The following CLYBL variants were observed in gnomAD, a reference collection of about 807,000 sequenced individuals.
The protein encoded by CLYBL is citramalyl-CoA lyase, mitochondrial.
In CLYBL, 31 loss-of-function variants were observed where a neutral mutation model predicts 38.9. The observed-to-expected ratio is 0.80, with a 90% CI of 0.60 to 1.08. The LOEUF is 1.08. Ranked by LOEUF, CLYBL falls within the 50% of genes least tolerant of loss-of-function variation. The pLI is 0.00. For missense variants in CLYBL, 434 were observed against 411.6 expected (o/e 1.05, Z -0.47); for synonymous variants, 171 against 158.6 (o/e 1.08, Z -0.59).
chr13:99,745,235 A>T (rs76232686), intron 1 of CLYBL, among the ~76,000 whole-genome samples: 1 of 152,352 alleles, frequency 6.6e-6, no homozygotes, highest in African/African-American at 2.4e-5. Flanking sequence ...GTCACAAATA[A>T]ACCATAACAT....
At chr13:99,824,257 G>GCTCCCCCCCCCCCCC (rs66867477) in intron 2 of CLYBL, among the ~76,000 whole-genome samples, 3 of 130,414 alleles carry the variant, frequency 2.3e-5, no homozygotes, top group Non-Finnish European at 3.2e-5. Flanking sequence ...CTGACTAATA[G>GCTCCCCCCCCCCCCC]CCCCCCCCAC....
chr13:99,871,329 T>A (rs1399427808), intron 7 of CLYBL, among the ~76,000 whole-genome samples: 1 of 152,196 alleles, frequency 6.6e-6, no homozygotes, highest in Non-Finnish European at 1.5e-5. Flanking sequence ...AAAATAGAAG[T>A]CTGTTTAGTT....
chr13:99,670,984 C>T (rs1482465069), intron 1 of CLYBL, among the ~76,000 whole-genome samples: 3 of 152,196 alleles, frequency 2.0e-5, no homozygotes, highest in African/African-American at 4.8e-5. Flanking sequence ...ATTGCTGGCT[C>T]CTGCTGACCT....
At chr13:99,612,775 G>T (rs1411034785) in intron 1 of CLYBL, among the ~76,000 whole-genome samples, 1 of 152,084 alleles carries the variant, frequency 6.6e-6, no homozygotes, top group Middle Eastern at 3.2e-3. Context: ...ACTTTGAAAG[G>T]CTGAGGTGGG....
intron 1 of CLYBL, among the ~76,000 whole-genome samples, chr13:99,683,462 C>G (rs1241594434): frequency 6.6e-6 from 1 of 151,948 alleles, no homozygotes; most frequent in Non-Finnish European, 1.5e-5. Context: ...AAAAATATTT[C>G]CTTTATCTCT....
At chr13:99,624,154 C>T (rs1157828423) in intron 1 of CLYBL, among the ~76,000 whole-genome samples, 1 of 152,088 alleles carries the variant, frequency 6.6e-6, no homozygotes, top group Non-Finnish European at 1.5e-5. Context: ...TCAGAGCACC[C>T]CGTTCTTCAT....
chr13:99,830,582 A>G (rs1240452161), intron 2 of CLYBL, among the ~76,000 whole-genome samples: 1 of 151,990 alleles, frequency 6.6e-6, no homozygotes, highest in Non-Finnish European at 1.5e-5. Flanking sequence ...CAACTCAACT[A>G]CTCTGTGAGT....
intron 1 of CLYBL, among the ~76,000 whole-genome samples, chr13:99,636,889 C>CTT (rs149042929): frequency 1.3e-5 from 2 of 148,648 alleles, no homozygotes; most frequent in Admixed American, 1.3e-4. Flanking sequence ...CTAATTTAAA[C>CTT]TTTTTTTTTT....
intron 1 of CLYBL, among the ~76,000 whole-genome samples, chr13:99,755,554 G>A (rs2049047282): frequency 6.6e-6 from 1 of 152,156 alleles, no homozygotes; most frequent in Admixed American, 6.6e-5. Flanking sequence ...CCTGGACTCT[G>A]ACAGCTCCCT....
At chr13:99,867,320 G>A (rs540205275) in intron 6 of CLYBL, among the ~76,000 whole-genome samples, 16 of 152,236 alleles carry the variant, frequency 1.1e-4, no homozygotes, top group South Asian at 4.1e-4. Flanking sequence ...TCTAGGTAGC[G>A]GTTACCGAAA....
At chr13:99,651,963 A>G (rs1319633592) in intron 1 of CLYBL, among the ~76,000 whole-genome samples, 1 of 152,190 alleles carries the variant, frequency 6.6e-6, no homozygotes, top group African/African-American at 2.4e-5. Context: ...GTTGTAAGCA[A>G]CAGACACCAC....
At chr13:99,650,670 A>G (rs1211768711) in intron 1 of CLYBL, among the ~76,000 whole-genome samples, 1 of 152,132 alleles carries the variant, frequency 6.6e-6, no homozygotes, top group East Asian at 1.9e-4. Flanking sequence ...CCTGTAGCTG[A>G]AATCCTTGGA....
chr13:99,862,414 T>C (rs1485868237), intron 3 of CLYBL, among the ~76,000 whole-genome samples: 4 of 152,320 alleles, frequency 2.6e-5, no homozygotes, highest in Middle Eastern at 3.4e-3. Context: ...ACTGGTCTCA[T>C]GGAAAAAATT....
chr13:99,606,826 C>T (rs2046531941), intron 1 of CLYBL, 69 bp downstream of exon 1: 1 of 1,303,562 alleles, frequency 7.7e-7, no homozygotes, highest in African/African-American at 1.5e-5. Flanking sequence ...GTTGCAGCCC[C>T]GCGGGCCGGG....
At chr13:99,707,765 C>T (rs1187544778) in intron 1 of CLYBL, among the ~76,000 whole-genome samples, 1 of 152,156 alleles carries the variant, frequency 6.6e-6, no homozygotes, top group African/African-American at 2.4e-5. Context: ...CCATATTATG[C>T]TTTTCCCAGG....
chr13:99,724,062 G>T (rs1031207606), intron 1 of CLYBL, among the ~76,000 whole-genome samples: 5 of 152,006 alleles, frequency 3.3e-5, no homozygotes, highest in Non-Finnish European at 7.4e-5. Flanking sequence ...TTTGTTTTTT[G>T]CTGTACCTCA....
At chr13:99,886,013 G>T (rs1422439768) in intron 7 of CLYBL, among the ~76,000 whole-genome samples, 3 of 152,168 alleles carry the variant, frequency 2.0e-5, no homozygotes, top group Non-Finnish European at 4.4e-5. Context: ...CTGCTGTGAG[G>T]CCAGTCATTC....
intron 1 of CLYBL, among the ~76,000 whole-genome samples, chr13:99,760,031 G>T (rs1399810507): frequency 2.6e-5 from 4 of 152,062 alleles, no homozygotes; most frequent in Non-Finnish European, 4.4e-5. Context: ...ATTTATCTAG[G>T]TTATTCAGAT....
intron 1 of CLYBL, among the ~76,000 whole-genome samples, chr13:99,656,188 G>A (rs1288452583): frequency 1.3e-5 from 2 of 152,252 alleles, no homozygotes; most frequent in East Asian, 3.9e-4. Flanking sequence ...AGAAGGGTTG[G>A]GAGTGATAGA....
Sources: allele counts gnomAD v4.1 joint callset (sites outside exome capture counted in the v4.1 genomes callset), GRCh38; gene constraint gnomAD v4.1.1; transcripts MANE v1.5; gene names NCBI Gene and HGNC (gene_info 2026-07-23, HGNC 2026-07-21).